CLEC2A: variants seen among roughly 807,000 people sequenced by gnomAD.
CLEC2A encodes C-type lectin domain family 2 member A, also known as keratinocyte-associated C-type lectin.
A neutral mutation model predicts 18.6 loss-of-function variants in CLEC2A; 19 were observed. The ratio of observed to expected loss-of-function variants is 1.02; its 90% CI spans 0.71 to 1.50. The LOEUF (loss-of-function observed/expected upper bound fraction) is 1.50, where lower values mean the gene tolerates loss of function less well. CLEC2A is among the 40% of genes most tolerant of loss of function. The pLI, the probability that CLEC2A is intolerant of heterozygous loss-of-function variation, is 0.00. For synonymous variants in CLEC2A, 74 were observed against 64.0 expected (o/e 1.16, Z -0.75); for missense variants, 190 against 207.9 (o/e 0.91, Z 0.53).
At chr12:9,929,035 A>G (rs1863327691) in intron 1 of CLEC2A, among the ~76,000 whole-genome samples, 1 of 151,120 alleles carries the variant, frequency 6.6e-6, no homozygotes, top group African/African-American at 2.4e-5. Flanking sequence ...CAGTGACAAC[A>G]AAAAAAAAGC....
At chr12:9,886,763 C>A in the CLEC2A span, among the ~76,000 whole-genome samples, 850 of 103,050 alleles carry the variant, frequency 8.2e-3, no homozygotes, top group East Asian at 9.0e-3. Context: ...CTATATCATG[C>A]AAAAAAAAAA....
intron 1 of CLEC2A, among the ~76,000 whole-genome samples, chr12:9,930,894 C>A (rs921513140): frequency 4.0e-5 from 6 of 151,856 alleles, no homozygotes; most frequent in African/African-American, 1.5e-4. Flanking sequence ...TCTTAATCAG[C>A]GTCCATTCTA....
Position 9,913,646 on chromosome 12 carries a change from A to C in CLEC2A, c.445T>G (p.Leu149Val). Reference sequence around the variant, plus strand: ...GAACTATGGACTCCATCAGCACTCAAGAAAGCAAAGGATCCGTTCCCTATA... The same window carrying C: ...GAACTATGGACTCCATCAGCACTCACGAAAGCAAAGGATCCGTTCCCTATA... Reference protein sequence around the residue: ...EIIGNGSFAFLSADGVHSSRG... With the variant: ...EIIGNGSFAFVSADGVHSSRG... Residue 149 changes from leucine (L) to valine (V), a missense_variant, in exon 5 of 5, where the codon TTG becomes GTG. Transcript: ENST00000455827. 6.5e-7 allele frequency: 1 copy of C among 1,549,714 alleles called. No individual in the cohort carries two copies. The highest frequency in any genetic ancestry group is 8.7e-7 in the Non-Finnish European group (1 of 1,146,796).
chr12:9,904,541 G>A (rs2137018998), intron 4 of CLEC2A, among the ~76,000 whole-genome samples: 1 of 152,268 alleles, frequency 6.6e-6, no homozygotes, highest in African/African-American at 2.4e-5. Context: ...GAGATGGGAG[G>A]AGAGCGCTGA....
chr12:9,929,566 T>A (rs1863339761), intron 1 of CLEC2A, among the ~76,000 whole-genome samples: 1 of 152,166 alleles, frequency 6.6e-6, no homozygotes, highest in Admixed American at 6.5e-5. Context: ...AATTTTAATA[T>A]TTTTTGCACT....
intron 4 of CLEC2A, among the ~76,000 whole-genome samples, chr12:9,901,821 C>T (rs113268994): frequency 1.5e-3 from 227 of 152,218 alleles, no homozygotes; most frequent in African/African-American, 5.3e-3. Context: ...CTTTTATAAC[C>T]CTTTACAAAT....
chr12:9,931,284 T>A (rs1333213853), intron 1 of CLEC2A, among the ~76,000 whole-genome samples: 1 of 152,206 alleles, frequency 6.6e-6, no homozygotes, highest in African/African-American at 2.4e-5. Flanking sequence ...TTGTGTAAAA[T>A]GTAGACTAAT....
intron 2 of CLEC2A, 115 bp downstream of exon 2, chr12:9,926,145 G>A (rs991509662): frequency 1.6e-5 from 9 of 576,774 alleles, no homozygotes; most frequent in African/African-American, 1.2e-4. Flanking sequence ...GAGGACAAGT[G>A]TCTATAAAAC....
chr12:9,881,736 T>C, the CLEC2A span: 1 of 1,082,848 alleles, frequency 9.2e-7, no homozygotes, highest in Non-Finnish European at 1.4e-6. Context: ...TATCTTAGAA[T>C]ATTTTTAACA....
the CLEC2A span, among the ~76,000 whole-genome samples, chr12:9,885,714 C>T: frequency 6.6e-6 from 1 of 151,858 alleles, no homozygotes; most frequent in African/African-American, 2.4e-5. Context: ...TTTTCTCAGA[C>T]CAAAGATATA....
At chr12:9,888,861 G>A in the CLEC2A span, 1 of 796,788 alleles carries the variant, frequency 1.3e-6, no homozygotes, top group Non-Finnish European at 2.1e-6. Context: ...GTTCACCCAT[G>A]TTACACAGTA....
chr12:9,916,649 T>G, intron 4 of CLEC2A, 51 bp downstream of exon 4: 1 of 1,170,728 alleles, frequency 8.5e-7, no homozygotes, highest in Non-Finnish European at 1.2e-6. Context: ...ATTTAAAATT[T>G]TTCATATGAC....
chr12:9,887,484 G>C, the CLEC2A span, among the ~76,000 whole-genome samples: 1 of 152,162 alleles, frequency 6.6e-6, no homozygotes, highest in African/African-American at 2.4e-5. Context: ...TTTGAAACAA[G>C]AGTAATCAAG....
chr12:9,892,924 G>GA, the CLEC2A span: 2 of 1,106,198 alleles, frequency 1.8e-6, no homozygotes, highest in Admixed American at 2.8e-5. Flanking sequence ...AAATGAGTTG[G>GA]AAAAATCTAT....
chr12:9,900,521 C>G (rs2137012751), intron 4 of CLEC2A, among the ~76,000 whole-genome samples: 1 of 152,226 alleles, frequency 6.6e-6, no homozygotes, highest in South Asian at 2.1e-4. Context: ...ATAACTATTT[C>G]TACATAGGCT....
downstream of CLEC2A, among the ~76,000 whole-genome samples, chr12:9,894,463 T>G (rs574762632): frequency 4.6e-5 from 7 of 152,258 alleles, no homozygotes; most frequent in South Asian, 1.4e-3. Context: ...ATTACAGGTG[T>G]GAGCCACCAC....
At chr12:9,908,555 T>C (rs1260117756), downstream of CLEC2A, among the ~76,000 whole-genome samples, 3 of 152,116 alleles carry the variant, frequency 2.0e-5, no homozygotes, top group Non-Finnish European at 2.9e-5. Flanking sequence ...AGTTCATATT[T>C]GGGTCCCACC....
Position 9,928,359 on chromosome 12 carries a change from C to T in CLEC2A, c.56-2016G>A, listed in dbSNP as rs183170795. On this transcript the variant is annotated intron_variant, in intron 1 of 4. Coordinates refer to ENST00000455827, the MANE Select transcript of CLEC2A (RefSeq NM_001130711.2). ...GCAGGCACCTGTAATCCCAGCTACT[C>T]GGGAGGTTGAGGCAGGAGAATACTT... Among the ~76,000 whole-genome samples, 28 of 152,034 alleles carry T rather than the reference C, an allele frequency of 1.8e-4. No homozygotes were observed. The East Asian group carries it at 5.0e-3, about 27-fold the overall frequency.
At chr12:9,887,792 C>T in the CLEC2A span, among the ~76,000 whole-genome samples, 2,407 of 150,718 alleles carry the variant, frequency 0.016, 54 homozygotes, top group African/African-American at 0.055. Context: ...GAGCTCATGC[C>T]TGTAATCCCA....
Sources: gnomAD v4.1 joint callset for allele counts (sites outside exome capture counted in the v4.1 genomes callset) on GRCh38, gnomAD v4.1.1 for gene constraint, MANE v1.5 for transcripts, NCBI Gene and HGNC (gene_info 2026-07-23, HGNC 2026-07-21) for gene names.